NETO1: variants seen among roughly 807,000 people sequenced by gnomAD.
The protein encoded by NETO1 is neuropilin and tolloid-like protein 1.
Under a neutral mutation model 61.3 loss-of-function variants are expected in NETO1, and 26 were observed. That is an observed-to-expected ratio of 0.42 (90% CI 0.31 to 0.59). The LOEUF is 0.59. Ranked by LOEUF, NETO1 falls within the 20% of genes least tolerant of loss-of-function variation. The pLI, the probability that NETO1 is intolerant of heterozygous loss-of-function variation, is 0.12. For missense variants in NETO1, 531 were observed against 662.8 expected, an observed-to-expected ratio of 0.80 and a Z score of 2.18; for synonymous variants, 225 against 225.8, an observed-to-expected ratio of 1.00 and a Z score of 0.03.
chr18:72,765,420 C>CTT lies in NETO1; in HGVS notation c.869-9275_869-9274dup, dbSNP rs113590689. Among the ~76,000 whole-genome samples the CTT allele has an allele frequency of 2.9e-3, 430 of 147,424 alleles. 1 individual carries two copies. Among genetic ancestry groups the CTT allele is most frequent in the Middle Eastern group, 0.01 (3 of 286 alleles). On this transcript the variant is annotated intron_variant, in intron 7 of 10. Coordinates refer to ENST00000327305, the MANE Select transcript of NETO1 (RefSeq NM_138966.5). ...CAGACTATATATCACAATAAAAATTCTTTTTTTTTTTAATTGGAGATGAAG... is the reference window on the plus strand; with the variant it reads ...CAGACTATATATCACAATAAAAATTCTTTTTTTTTTTTTAATTGGAGATGAAG...
At chr18:72,839,692 T>C (rs17086430) in intron 4 of NETO1, among the ~76,000 whole-genome samples, 3,289 of 152,238 alleles carry the variant, frequency 0.022, 129 homozygotes, top group African/African-American at 0.076. Flanking sequence ...CTCCCTAAGG[T>C]ATAGATAGAG....
intron 4 of NETO1, among the ~76,000 whole-genome samples, chr18:72,833,530 G>T (rs1406360162): frequency 6.6e-6 from 1 of 152,018 alleles, no homozygotes; most frequent in Non-Finnish European, 1.5e-5. Context: ...AAGTAAAACT[G>T]GTTTAGTAAA....
intron 4 of NETO1, among the ~76,000 whole-genome samples, chr18:72,828,100 C>G (rs1375560715): frequency 6.6e-6 from 1 of 152,178 alleles, no homozygotes; most frequent in Non-Finnish European, 1.5e-5. Flanking sequence ...ATCACCTGAG[C>G]TCAGGAGTTC....
chr18:72,839,769 C>G (rs897673502), intron 4 of NETO1, among the ~76,000 whole-genome samples: 3 of 144,304 alleles, frequency 2.1e-5, no homozygotes, highest in African/African-American at 7.8e-5. Flanking sequence ...TTCCTGTGAT[C>G]CAAATTTTCA....
intron 4 of NETO1, among the ~76,000 whole-genome samples, chr18:72,798,266 C>T (rs1347511143): frequency 6.6e-6 from 1 of 152,106 alleles, no homozygotes; most frequent in African/African-American, 2.4e-5. Flanking sequence ...GAGCTTCAAC[C>T]CTATTGCGAA....
intron 4 of NETO1, among the ~76,000 whole-genome samples, chr18:72,814,781 C>T (rs1158609892): frequency 6.6e-6 from 1 of 151,824 alleles, no homozygotes; most frequent in Non-Finnish European, 1.5e-5. Flanking sequence ...TTTTTAAACT[C>T]CAAAAGATTC....
intron 1 of NETO1, among the ~76,000 whole-genome samples, chr18:72,866,027 C>T (rs1023157869): frequency 6.6e-6 from 1 of 152,190 alleles, no homozygotes; most frequent in African/African-American, 2.4e-5. Context: ...ATCTGCAATG[C>T]CATTATAATC....
At chr18:72,761,876 C>T (rs186405026) in intron 7 of NETO1, among the ~76,000 whole-genome samples, 1 of 152,188 alleles carries the variant, frequency 6.6e-6, no homozygotes, top group African/African-American at 2.4e-5. Flanking sequence ...AGGAGAGGAC[C>T]TTTAAGACTA....
chr18:72,782,226 C>G (rs2071766820), intron 7 of NETO1, among the ~76,000 whole-genome samples: 1 of 152,160 alleles, frequency 6.6e-6, no homozygotes, highest in Non-Finnish European at 1.5e-5. Context: ...ATATGTACCA[C>G]ATTTTCTTTA....
chr18:72,844,634 C>T (rs1231193094), intron 4 of NETO1, among the ~76,000 whole-genome samples: 4 of 152,200 alleles, frequency 2.6e-5, no homozygotes, highest in Non-Finnish European at 5.9e-5. Context: ...ATTCTACATG[C>T]TTTATTTCAT....
At chr18:72,829,461 T>C (rs747036370) in intron 4 of NETO1, among the ~76,000 whole-genome samples, 7 of 152,206 alleles carry the variant, frequency 4.6e-5, no homozygotes, top group Non-Finnish European at 7.3e-5. Flanking sequence ...GTATCATTAT[T>C]ATCATTACTG....
chr18:72,794,277 A>G (rs774307180), intron 5 of NETO1, 33 bp from the exon 6 acceptor site: 2 of 1,613,996 alleles, frequency 1.2e-6, no homozygotes, highest in East Asian at 4.5e-5. Context: ...AACACACAAA[A>G]ACGGAGCTTG....
chr18:72,767,638 C>T (rs938531387), intron 7 of NETO1, among the ~76,000 whole-genome samples: 13 of 151,816 alleles, frequency 8.6e-5, no homozygotes, highest in Non-Finnish European at 1.6e-4. Flanking sequence ...AAAAGTCCAT[C>T]GATAATTCAT....
intron 4 of NETO1, among the ~76,000 whole-genome samples, chr18:72,815,486 G>C (rs1196391913): frequency 6.6e-6 from 1 of 151,854 alleles, no homozygotes; most frequent in African/African-American, 2.4e-5. Flanking sequence ...CATAAGACAG[G>C]CAAAAGTCCT....
chr18:72,785,100 T>C (rs959466344), intron 6 of NETO1, among the ~76,000 whole-genome samples: 6 of 152,244 alleles, frequency 3.9e-5, no homozygotes, highest in African/African-American at 1.4e-4. Context: ...TGAATGCCTA[T>C]ACGCTATTTC....
Position 72,747,183 on chromosome 18 carries a change from T to C in NETO1, c.*996A>G, listed in dbSNP as rs2070449416. The C allele has an allele frequency of 6.6e-6, 1 of 151,990 alleles. No individual in the cohort carries two copies. The highest frequency in any genetic ancestry group is 1.5e-5 in the Non-Finnish European group (1 of 67,944). 9.4% of individuals were successfully genotyped at this position (151,990 alleles called of 1,614,324 possible). A position where few individuals can be genotyped will look rare whatever the true frequency, so the allele number is the denominator to read the frequency against. ...ATGTGTATTTATGTGAGTCAGTTTTTTAATCACTCTAATGGAAGAAAACAT... is the reference window on the plus strand; with the variant it reads ...ATGTGTATTTATGTGAGTCAGTTTTCTAATCACTCTAATGGAAGAAAACAT... On this transcript the variant is annotated 3_prime_UTR_variant, in exon 11 of 11. Coordinates refer to ENST00000327305, the MANE Select transcript of NETO1 (RefSeq NM_138966.5).
rs959269608 is a variant in NETO1, at chr18:72,745,874, T to G, written c.*2305A>C. ...TCATGATTAGTCTGTGTCTGTACAT[T>G]GTTGAGAAATTTTAGAGTTATCACT... On this transcript the variant is annotated 3_prime_UTR_variant, in exon 11 of 11. Transcript: ENST00000327305. 4 of 152,204 alleles carry G rather than the reference T, an allele frequency of 2.6e-5. No individual in the cohort carries two copies. The allele number at this position is 152,204 out of a possible 1,614,324, so 9.4% of individuals were successfully genotyped here.
rs574823049 is a variant in NETO1 at position 72,832,891 on chromosome 18, T to C, written c.469+25935A>G. Among the ~76,000 whole-genome samples, 122 of 152,106 alleles carry C rather than the reference T, an allele frequency of 8.0e-4. 1 individual carries two copies. The South Asian group carries it at 0.023, about 28-fold the overall frequency. The stretch of plus-strand genomic sequence containing the variant: ...ATGTTTTCTGAACAGACAGATACAC[T>C]TTATAAAAAATTGTCTCATAATTTA... On this transcript the variant is annotated intron_variant, in intron 4 of 10. Coordinates refer to ENST00000327305, the MANE Select transcript of NETO1 (RefSeq NM_138966.5).
intron 4 of NETO1, among the ~76,000 whole-genome samples, chr18:72,852,957 C>T (rs1231303762): frequency 2.0e-5 from 3 of 151,450 alleles, no homozygotes; most frequent in Non-Finnish European, 2.9e-5. Flanking sequence ...CTCAGTCTCC[C>T]GAGTAGCTGG....
Sources: gnomAD v4.1 joint callset for allele counts (sites outside exome capture counted in the v4.1 genomes callset) on GRCh38, gnomAD v4.1.1 for gene constraint, MANE v1.5 for transcripts, NCBI Gene and HGNC (gene_info 2026-07-23, HGNC 2026-07-21) for gene names.